Variants in KAZN observed in about 807,000 individuals in gnomAD.
KAZN encodes the protein kazrin.
Under a neutral mutation model 87.4 loss-of-function variants are expected in KAZN, and 40 were observed. That is an observed-to-expected ratio of 0.46 (90% CI 0.36 to 0.60). The LOEUF is 0.60. Among genes scored for constraint, KAZN ranks in the 20% least tolerant of loss-of-function variants. KAZN has a pLI of 0.00. For synonymous variants in KAZN, 466 were observed against 458.3 expected (o/e 1.02, Z -0.22); for missense variants, 898 against 1,073.9 (o/e 0.84, Z 2.29).
At chr1:14,577,593 C>T (rs1045680052) in intron 2 of KAZN, among the ~76,000 whole-genome samples, 26 of 152,140 alleles carry the variant, frequency 1.7e-4, no homozygotes, top group Non-Finnish European at 4.4e-5. Flanking sequence ...GGAACCAGCC[C>T]TTCAGCTGCT....
intron 2 of KAZN, among the ~76,000 whole-genome samples, chr1:14,182,134 G>A (rs1410336841): frequency 1.3e-5 from 2 of 151,784 alleles, no homozygotes; most frequent in African/African-American, 4.8e-5. Flanking sequence ...ATCCCCTATC[G>A]TGTAGTCATC....
intron 1 of KAZN, among the ~76,000 whole-genome samples, chr1:14,877,452 G>GAA (rs575069395): frequency 3.3e-5 from 5 of 152,334 alleles, no homozygotes; most frequent in African/African-American, 1.2e-4. Flanking sequence ...TCCCTGAGCT[G>GAA]AAAGATAGGC....
Position 14,116,915 on chromosome 1 carries a change from G to A in KAZN, c.92-63520G>A, listed in dbSNP as rs144664257. On this transcript the variant is annotated intron_variant, in intron 1 of 16. Coordinates refer to the KAZN transcript ENST00000636203. ...CATTTTGGAATTATCAGATTTGACT[G>A]CCCTGCTGGATTTTGGACTTGCATG... Among the ~76,000 whole-genome samples the A allele has an allele frequency of 1.1e-3, 164 of 152,320 alleles. 2 individuals carry two copies. Among genetic ancestry groups the A allele is most frequent in the African/African-American group, 3.8e-3 (160 of 41,576 alleles).
At chr1:15,090,344 G>C (rs1225253478) in intron 8 of KAZN, among the ~76,000 whole-genome samples, 1 of 152,252 alleles carries the variant, frequency 6.6e-6, no homozygotes, top group Non-Finnish European at 1.5e-5. Flanking sequence ...AGCCAGGCTG[G>C]AGGCCTCCCG....
intron 8 of KAZN, among the ~76,000 whole-genome samples, chr1:15,082,635 G>A (rs1004560316): frequency 6.6e-6 from 1 of 152,212 alleles, no homozygotes; most frequent in African/African-American, 2.4e-5. Flanking sequence ...TCGCCATGCA[G>A]GGTGGGCATA....
intron 1 of KAZN, among the ~76,000 whole-genome samples, chr1:14,091,160 T>A (rs1643982678): frequency 6.6e-6 from 1 of 151,172 alleles, no homozygotes; most frequent in East Asian, 2.0e-4. Flanking sequence ...TTTACAAATT[T>A]ACCTGTGCAA....
chr1:14,753,555 C>G (rs1644470009), intron 1 of KAZN, among the ~76,000 whole-genome samples: 1 of 151,640 alleles, frequency 6.6e-6, no homozygotes, highest in Non-Finnish European at 1.5e-5. Flanking sequence ...AGTGAGACCC[C>G]ACCTCTAATT....
At chr1:14,125,759 A>G (rs1644850700) in intron 1 of KAZN, among the ~76,000 whole-genome samples, 1 of 152,136 alleles carries the variant, frequency 6.6e-6, no homozygotes. Context: ...AGTGGAAAAA[A>G]GCATCCATGG....
intron 2 of KAZN, among the ~76,000 whole-genome samples, chr1:14,379,989 A>G (rs1360044915): frequency 1.3e-5 from 2 of 152,162 alleles, no homozygotes; most frequent in Admixed American, 1.3e-4. Context: ...AGAGGTGTTT[A>G]TATCACCCCA....
intron 1 of KAZN, among the ~76,000 whole-genome samples, chr1:14,780,112 G>C (rs1325240293): frequency 6.6e-6 from 1 of 152,218 alleles, no homozygotes; most frequent in Non-Finnish European, 1.5e-5. Flanking sequence ...AATATGGAAA[G>C]CTTTTAGGGC....
At chr1:14,466,771 A>C (rs564010497) in intron 2 of KAZN, among the ~76,000 whole-genome samples, 1 of 152,082 alleles carries the variant, frequency 6.6e-6, no homozygotes, top group African/African-American at 2.4e-5. Context: ...GATGGAGACC[A>C]TCCTGGCTAA....
chr1:13,927,978 G>A (rs978898921), intron 1 of KAZN, among the ~76,000 whole-genome samples: 1 of 152,166 alleles, frequency 6.6e-6, no homozygotes. Flanking sequence ...TGGGTTCAAG[G>A]AACAGAAAAG....
At position 14,043,363 on chromosome 1, in the gene KAZN, C is replaced by A. The variant is rs568219446; in HGVS notation, c.92-137072C>A. 2.6e-4 allele frequency among the ~76,000 whole-genome samples: 39 copies of A among 152,246 alleles called. No homozygotes were observed. The East Asian group carries it at 3.3e-3, about 13-fold the overall frequency. On this transcript the variant is annotated intron_variant, in intron 1 of 16. Coordinates refer to the KAZN transcript ENST00000636203. ...GTTGATGGACACTGGGTTATTCCAG[C>A]CTTTTGGCTGTTGTGAATAATTATG...
Position 15,056,205 on chromosome 1 carries a change from C to T in KAZN, c.841C>T (p.Pro281Ser), listed in dbSNP as rs1327521200. 6.2e-7 allele frequency: 1 copy of T among 1,614,118 alleles called. No homozygotes were observed. The highest frequency in any genetic ancestry group is 8.5e-7 in the Non-Finnish European group (1 of 1,180,008). The change falls in exon 5 of 15, where the codon CCG (proline) becomes TCG (serine). Residue 281 changes from proline to serine, a missense_variant. By Grantham distance (74) the Pro-to-Ser change is moderately conservative. Around this residue, in one of 3 missense-constraint regions of KAZN, gnomAD observed 521 missense variants for 689.4 expected, o/e 0.76. Coordinates refer to ENST00000376030, the MANE Select transcript of KAZN (RefSeq NM_201628.3). This position sits in a 1 kb window ranked among gnomAD's most constrained non-coding sequence, Gnocchi z 5.4. ...GGAGTGGGTGGTGCAGGCGGACCTC[C>T]CGCTGACCGCAGCCATCCGGCAGAG... ...NQEWVVQADL[P>S]LTAAIRQSQQ...
intron 1 of KAZN, among the ~76,000 whole-genome samples, chr1:13,929,382 C>T (rs571226118): frequency 5.3e-5 from 8 of 152,292 alleles, no homozygotes; most frequent in African/African-American, 1.9e-4. Context: ...TTGACTCCCA[C>T]TGTGCGCTCT....
chr1:14,011,038 C>G (rs935683795), intron 1 of KAZN, among the ~76,000 whole-genome samples: 1 of 152,052 alleles, frequency 6.6e-6, no homozygotes. Flanking sequence ...TCCTCCATTG[C>G]CATCACTATT....
chr1:14,497,926 C>T (rs1482084828), intron 2 of KAZN, among the ~76,000 whole-genome samples: 1 of 152,174 alleles, frequency 6.6e-6, no homozygotes, highest in Admixed American at 6.5e-5. Context: ...TGCCCATGGT[C>T]TCGTAACATA....
At chr1:14,736,016 G>C (rs1643886755) in intron 1 of KAZN, among the ~76,000 whole-genome samples, 1 of 152,260 alleles carries the variant, frequency 6.6e-6, no homozygotes, top group South Asian at 2.1e-4. Context: ...ATGCACCCTA[G>C]AGATAAGACA....
intron 4 of KAZN, among the ~76,000 whole-genome samples, chr1:15,054,875 G>T (rs1402185282): frequency 6.6e-6 from 1 of 152,248 alleles, no homozygotes; most frequent in East Asian, 1.9e-4. Flanking sequence ...CCTCACACTT[G>T]TCCCTGGGCT....
Sources: allele counts gnomAD v4.1 joint callset (sites outside exome capture counted in the v4.1 genomes callset), GRCh38; gene constraint gnomAD v4.1.1; regional missense constraint gnomAD v4.1.1; non-coding constraint Gnocchi (gnomAD v3.1); transcripts MANE v1.5; gene names NCBI Gene and HGNC (gene_info 2026-07-23, HGNC 2026-07-21).